FLAD1: variants seen among roughly 807,000 people sequenced by gnomAD.
FLAD1 encodes flavin adenine dinucleotide synthetase 1.
In FLAD1, 35 loss-of-function variants were observed where a neutral mutation model predicts 55.0. The observed-to-expected ratio is 0.64, with a 90% confidence interval of 0.49 to 0.84. The LOEUF (loss-of-function observed/expected upper bound fraction) is 0.84. Ranked by LOEUF, FLAD1 falls within the 40% of genes least tolerant of loss-of-function variation. The pLI, the probability that FLAD1 is intolerant of heterozygous loss-of-function variation, is 0.00. For missense variants in FLAD1, 665 were observed against 742.6 expected, an observed-to-expected ratio of 0.90 and a Z score of 1.21; for synonymous variants, 267 against 303.0, an observed-to-expected ratio of 0.88 and a Z score of 1.23.
intron 1 of FLAD1, among the ~76,000 whole-genome samples, chr1:154,985,850 C>T (rs1000258368): frequency 2.6e-5 from 4 of 151,110 alleles, no homozygotes; most frequent in Admixed American, 1.3e-4. Flanking sequence ...CTCAGCTTCC[C>T]GAGTAGCTGG....
intron 1 of FLAD1, among the ~76,000 whole-genome samples, chr1:154,985,829 G>A (rs1401515020): frequency 2.7e-5 from 4 of 147,184 alleles, no homozygotes; most frequent in East Asian, 2.1e-4. Flanking sequence ...GGGTTCAAGC[G>A]ACTCTCCTGC....
rs1479742440 is a variant in FLAD1 at position 154,988,443 on chromosome 1, T to C, written c.711T>C (p.Thr237=). The change falls in exon 2 of 7, where the codon ACT becomes ACC. Residue 237 remains threonine (T), a synonymous_variant. Coordinates refer to ENST00000292180, the MANE Select transcript of FLAD1 (RefSeq NM_025207.5). ...ARLHYGTDPC[T]GQPFRFPLVS... ...TGCATTATGGCACAGATCCTTGCAC[T>C]GGTCAACCTTTCAGATTCCCTCTGG... 6.2e-7 allele frequency: 1 copy of C among 1,614,142 alleles called. No individual in the cohort carries two copies. The highest frequency in any genetic ancestry group is 1.3e-5 in the African/African-American group (1 of 74,940).
At position 154,988,158 on chromosome 1, in the gene FLAD1, AG is replaced by A; in HGVS notation, c.430del (p.Val144SerfsTer13). ...FFLCRTLRSL[G>X]VQVCRVSVVP... ...TTCTGTGCCGGACACTGCGCTCCCT[AG>A]GGGTCCAGGTTTGCCGAGTCTCAGT... On this transcript the variant is annotated frameshift_variant, in exon 2 of 7. Coordinates refer to ENST00000292180, the MANE Select transcript of FLAD1 (RefSeq NM_025207.5). LOFTEE classifies it high-confidence loss of function. 1 of 1,614,144 alleles carries A rather than the reference AG, an allele frequency of 6.2e-7. No individual in the cohort carries two copies. The highest frequency in any genetic ancestry group is 8.5e-7 in the Non-Finnish European group (1 of 1,180,014).
At chr1:154,985,255 A>G (rs1657530285) in intron 1 of FLAD1, among the ~76,000 whole-genome samples, 1 of 138,604 alleles carries the variant, frequency 7.2e-6, no homozygotes, top group South Asian at 2.3e-4. Context: ...TTTTTTAGAT[A>G]GTCTCACTCT....
At chr1:154,992,011 C>T (rs542955731) in intron 5 of FLAD1, among the ~76,000 whole-genome samples, 27 of 151,476 alleles carry the variant, frequency 1.8e-4, no homozygotes, top group Middle Eastern at 3.4e-3. Context: ...GCTGTGGTGG[C>T]GCATGCCTGT....
intron 1 of FLAD1, among the ~76,000 whole-genome samples, chr1:154,985,369 C>T (rs1657536124): frequency 6.6e-6 from 1 of 150,684 alleles, no homozygotes; most frequent in African/African-American, 2.4e-5. Context: ...GTTGGGATTA[C>T]AGGCATGAGC....
intron 1 of FLAD1, among the ~76,000 whole-genome samples, chr1:154,984,878 T>C (rs992667140): frequency 1.3e-5 from 2 of 151,894 alleles, no homozygotes; most frequent in African/African-American, 4.8e-5. Flanking sequence ...GGTTTTTTTG[T>C]TTTTGAGACA....
chr1:154,990,137 G>A, intron 3 of FLAD1, 22 bp from the exon 4 acceptor site: 1 of 1,588,078 alleles, frequency 6.3e-7, no homozygotes, highest in Non-Finnish European at 8.6e-7. Context: ...TCACAAGCCT[G>A]TGGATTCTTC....
chr1:154,987,439 G>T (rs1657667361), intron 1 of FLAD1: 1 of 154,678 alleles, frequency 6.5e-6, no homozygotes, highest in Non-Finnish European at 1.4e-5. Context: ...ACTCTGCAAA[G>T]GAATTTGAAC....
rs142918030 is a variant in FLAD1, at chr1:154,984,440, G to T, written c.372+374G>T. Among the ~76,000 whole-genome samples, 22 of 152,248 alleles carry T rather than the reference G, an allele frequency of 1.4e-4. 1 individual carries two copies. In the East Asian group the frequency reaches 4.1e-3, roughly 28 times the overall value. On this transcript the variant is annotated intron_variant, in intron 1 of 6. Transcript: ENST00000292180. ...GTATATTTAAGAGTTTTGGCCGGGT[G>T]CGGTGGCTCACGCATGTAATCCCAG...
intron 5 of FLAD1, 145 bp downstream of exon 5, chr1:154,990,673 C>T: frequency 1.3e-6 from 1 of 747,982 alleles, no homozygotes; most frequent in Middle Eastern, 3.7e-4. Context: ...GCTATCTGTT[C>T]ATTCATCCTT....
At chr1:154,984,538 A>C (rs1210535624) in intron 1 of FLAD1, among the ~76,000 whole-genome samples, 2 of 151,864 alleles carry the variant, frequency 1.3e-5, no homozygotes, top group African/African-American at 4.8e-5. Flanking sequence ...GAGAAACCCC[A>C]TCTCTACTAA....
At chr1:154,989,820 T>G in intron 3 of FLAD1, 113 bp downstream of exon 3, 1 of 1,198,476 alleles carries the variant, frequency 8.3e-7, no homozygotes, top group East Asian at 2.5e-5. Context: ...ATAGTCATGG[T>G]GACCTCTCAG....
rs974386360 is a variant in FLAD1, at chr1:154,992,943, C to T, written c.1670C>T (p.Pro557Leu). 3.7e-6 allele frequency: 6 copies of T among 1,614,004 alleles called. No individual in the cohort carries two copies. The highest frequency in any genetic ancestry group is 1.7e-5 in the Admixed American group (1 of 60,008). The change falls in exon 7 of 7, where the codon CCG (proline) becomes CTG (leucine). Residue 557 changes from proline to leucine, a missense_variant. Physicochemically the swap from Pro to Leu is moderately conservative, Grantham distance 98 (BLOSUM62 -3). Coordinates refer to ENST00000292180, the MANE Select transcript of FLAD1 (RefSeq NM_025207.5). Reference protein sequence around the residue: ...LGSRENTVRNPALKCLSPGGH... With the variant: ...LGSRENTVRNLALKCLSPGGH... ...AGTCGGGAGAATACCGTGCGGAACC[C>T]GGCCCTGAAGTGCCTGAGCCCAGGA...
In FLAD1 at chr1:154,983,881, C is replaced by T. The variant is rs771819089; in HGVS notation, c.187C>T (p.Pro63Ser). ...TQDPLFPGYGPQCPVDLAGPP... is the reference protein window; with the variant it reads ...TQDPLFPGYGSQCPVDLAGPP... ...GGACCCCCTGTTCCCAGGCTATGGC[C>T]CCCAGTGCCCTGTAGACCTGGCAGG... Residue 63 changes from proline (P) to serine (S), a missense_variant, in exon 1 of 7, where the codon CCC (proline) becomes TCC (serine). By Grantham distance (74) the Pro-to-Ser change is moderately conservative. Coordinates refer to ENST00000292180, the MANE Select transcript of FLAD1 (RefSeq NM_025207.5). The T allele has an allele frequency of 6.2e-7, 1 of 1,613,982 alleles. No homozygotes were observed. The highest frequency in any genetic ancestry group is 1.7e-5 in the Admixed American group (1 of 59,994).
In FLAD1 at chr1:154,990,382, GC is replaced by G; in HGVS notation, c.1411del (p.Leu471TrpfsTer89). The G allele has an allele frequency of 6.2e-7, 1 of 1,614,088 alleles. No homozygotes were observed. The highest frequency in any genetic ancestry group is 1.1e-5 in the South Asian group (1 of 91,074). On this transcript the variant is annotated frameshift_variant, in exon 5 of 7. Coordinates refer to ENST00000292180, the MANE Select transcript of FLAD1 (RefSeq NM_025207.5). LOFTEE classifies it high-confidence loss of function. ...GGAAGCTGAGGGCAGCATGAAGCAG[GC>G]CCTGGGTGAACTGCAGGCACGGCAC... Reference protein sequence around the residue: ...MLEAEGSMKQALGELQARHPQ... With the variant: ...MLEAEGSMKQXLGELQARHPQ...
At chr1:154,987,146 G>GCCTC (rs539942700) in intron 1 of FLAD1, among the ~76,000 whole-genome samples, 325 of 151,730 alleles carry the variant, frequency 2.1e-3, no homozygotes, top group African/African-American at 7.4e-3. Context: ...ACCCACTTCA[G>GCCTC]CCTCCCAAGT....
At chr1:154,986,169 G>T (rs1436055681) in intron 1 of FLAD1, among the ~76,000 whole-genome samples, 3 of 152,096 alleles carry the variant, frequency 2.0e-5, no homozygotes, top group African/African-American at 7.2e-5. Context: ...CTCCCGAGTA[G>T]CTGAGATTAC....
At chr1:154,992,189 A>G (rs1034835316) in intron 5 of FLAD1, among the ~76,000 whole-genome samples, 2 of 149,400 alleles carry the variant, frequency 1.3e-5, no homozygotes, top group African/African-American at 5.0e-5. Flanking sequence ...ACACGCCTGT[A>G]ATCCCAGCAC....
Sources: allele counts gnomAD v4.1 joint callset (sites outside exome capture counted in the v4.1 genomes callset), GRCh38; gene constraint gnomAD v4.1.1; transcripts MANE v1.5; gene names NCBI Gene and HGNC (gene_info 2026-07-23, HGNC 2026-07-21).